The following DIS3L2 variants were observed in gnomAD, a reference collection of about 807,000 sequenced individuals.
The protein encoded by DIS3L2 is DIS3 like 3'-5' exoribonuclease 2, also known as DIS3-like exonuclease 2.
In DIS3L2, 34 loss-of-function variants were observed where a neutral mutation model predicts 97.5. The observed-to-expected ratio is 0.35, with a 90% CI of 0.27 to 0.46. The LOEUF is 0.46. Ranked by LOEUF, DIS3L2 falls within the 20% of genes least tolerant of loss-of-function variation. The probability of loss-of-function intolerance (pLI) is 1.00; values close to 1 mark genes in which losing one functional copy is unlikely to be tolerated. For missense variants in DIS3L2, 1,038 were observed against 1,146.0 expected, an observed-to-expected ratio of 0.91 and a Z score of 1.36; for synonymous variants, 435 against 445.2, an observed-to-expected ratio of 0.98 and a Z score of 0.29.
At chr2:232,225,059 T>C (rs537908817) in intron 10 of DIS3L2, among the ~76,000 whole-genome samples, 10 of 152,264 alleles carry the variant, frequency 6.6e-5, no homozygotes, top group African/African-American at 2.4e-4. Flanking sequence ...TACTATTATG[T>C]TCCCACCACA....
intron 10 of DIS3L2, among the ~76,000 whole-genome samples, chr2:232,215,519 T>A (rs184506010): frequency 6.6e-6 from 1 of 152,274 alleles, no homozygotes. Flanking sequence ...TGCATGACAT[T>A]TTTTGGGGAG....
Position 232,330,749 on chromosome 2 carries a change from C to T in DIS3L2, c.1983C>T (p.Leu661=). The T allele has an allele frequency of 1.2e-6, 2 of 1,613,004 alleles. No homozygotes were observed. The highest frequency in any genetic ancestry group is 1.3e-5 in the African/African-American group (1 of 75,072). The change falls in exon 16 of 21, where the codon CTC becomes CTT. Residue 661 remains leucine, a synonymous_variant. Coordinates refer to ENST00000325385, the MANE Select transcript of DIS3L2 (RefSeq NM_152383.5). ...DKYSLARKEV[L]TNMCSRPMQM... ...ACTCACTGGCCCGCAAGGAGGTGCT[C>T]ACCAACATGTGCTCCCGGCCCATGC...
At chr2:232,056,714 A>C (rs1695559224) in intron 5 of DIS3L2, among the ~76,000 whole-genome samples, 1 of 152,254 alleles carries the variant, frequency 6.6e-6, no homozygotes, top group Admixed American at 6.5e-5. Context: ...ACACAAATCA[A>C]AACCATAATG....
At chr2:231,981,598 T>TTTTATATATA (rs1271512116) in intron 1 of DIS3L2, among the ~76,000 whole-genome samples, 13 of 84,054 alleles carry the variant, frequency 1.5e-4, no homozygotes, top group East Asian at 4.7e-4. Flanking sequence ...GTTAAGTATT[T>TTTTATATATA]TATATATATA....
chr2:232,124,222 G>A (rs1697990622), intron 6 of DIS3L2, among the ~76,000 whole-genome samples: 1 of 151,848 alleles, frequency 6.6e-6, no homozygotes. Flanking sequence ...CAACAGAAGT[G>A]GCCCTTCAAA....
intron 10 of DIS3L2, among the ~76,000 whole-genome samples, chr2:232,235,171 C>G: frequency 6.6e-6 from 1 of 152,220 alleles, no homozygotes. Context: ...TCTCTCTGCT[C>G]TAAATGCTCT....
At chr2:232,005,642 C>T (rs1415098939) in intron 1 of DIS3L2, among the ~76,000 whole-genome samples, 12 of 152,326 alleles carry the variant, frequency 7.9e-5, no homozygotes, top group Admixed American at 7.8e-4. Flanking sequence ...CTCCCAACAG[C>T]CTTCCTCCCT....
At chr2:232,005,177 T>TTTA (rs991806323) in intron 1 of DIS3L2, among the ~76,000 whole-genome samples, 1 of 149,942 alleles carries the variant, frequency 6.7e-6, no homozygotes, top group Non-Finnish European at 1.5e-5. Context: ...TTGATTTTTT[T>TTTA]TTTTTTTTTT....
intron 9 of DIS3L2, among the ~76,000 whole-genome samples, chr2:232,165,347 A>G (rs1690772041): frequency 2.0e-5 from 3 of 152,264 alleles, no homozygotes; most frequent in Non-Finnish European, 4.4e-5. Flanking sequence ...ACATAAATAT[A>G]CACATATACA....
intron 6 of DIS3L2, among the ~76,000 whole-genome samples, chr2:232,104,043 T>A (rs1697286733): frequency 6.6e-6 from 1 of 152,184 alleles, no homozygotes; most frequent in Non-Finnish European, 1.5e-5. Flanking sequence ...ATCTGTTTAA[T>A]TTTTAATGGA....
At chr2:232,236,763 T>C (rs1369113932) in intron 10 of DIS3L2, among the ~76,000 whole-genome samples, 2 of 152,216 alleles carry the variant, frequency 1.3e-5, no homozygotes, top group East Asian at 1.9e-4. Flanking sequence ...TATTATTTTA[T>C]TTTTTCGAGA....
intron 13 of DIS3L2, among the ~76,000 whole-genome samples, chr2:232,288,890 T>TA (rs1245927548): frequency 6.6e-6 from 1 of 152,184 alleles, no homozygotes; most frequent in African/African-American, 2.4e-5. Context: ...TGAGAGGACT[T>TA]ACAACAAAGG....
At chr2:232,303,731 G>A (rs921018526) in intron 14 of DIS3L2, among the ~76,000 whole-genome samples, 7 of 152,100 alleles carry the variant, frequency 4.6e-5, no homozygotes, top group Admixed American at 2.6e-4. Flanking sequence ...CTCCATTAAC[G>A]GGATTCAGTA....
At chr2:232,044,359 C>G (rs1695183822) in intron 5 of DIS3L2, among the ~76,000 whole-genome samples, 1 of 152,040 alleles carries the variant, frequency 6.6e-6, no homozygotes. Flanking sequence ...ATGTGGAATA[C>G]AAGGAGGAGA....
At chr2:232,136,792 T>A (rs1010297427) in intron 8 of DIS3L2, 73 bp downstream of exon 8, 15 of 1,531,188 alleles carry the variant, frequency 9.8e-6, no homozygotes, top group Non-Finnish European at 1.3e-5. Context: ...AGGTAAACTT[T>A]TTGTGTATTT....
intron 5 of DIS3L2, among the ~76,000 whole-genome samples, chr2:232,046,372 A>G (rs1695245495): frequency 6.6e-6 from 1 of 152,208 alleles, no homozygotes; most frequent in Non-Finnish European, 1.5e-5. Context: ...GACCCACTGA[A>G]TGAGAATTTG....
At chr2:232,012,535 C>T (rs549105609) in intron 1 of DIS3L2, among the ~76,000 whole-genome samples, 10 of 148,566 alleles carry the variant, frequency 6.7e-5, no homozygotes, top group Non-Finnish European at 1.2e-4. Flanking sequence ...CTCGACTCCT[C>T]GCCCCAACCA....
chr2:232,019,543 C>G (rs1694454980), intron 3 of DIS3L2, among the ~76,000 whole-genome samples: 1 of 138,474 alleles, frequency 7.2e-6, no homozygotes, highest in South Asian at 2.4e-4. Flanking sequence ...CAGAGTGAGA[C>G]CCTGTCTCTC....
intron 1 of DIS3L2, among the ~76,000 whole-genome samples, chr2:232,009,144 A>G (rs559503575): frequency 3.9e-5 from 6 of 152,068 alleles, no homozygotes; most frequent in African/African-American, 4.8e-5. Context: ...GTTTTCTTCT[A>G]GTTCTTTGAA....
Sources: gnomAD v4.1 joint callset for allele counts (sites outside exome capture counted in the v4.1 genomes callset) on GRCh38, gnomAD v4.1.1 for gene constraint, MANE v1.5 for transcripts, NCBI Gene and HGNC (gene_info 2026-07-23, HGNC 2026-07-21) for gene names.